Variants in KIAA1217 observed in about 807,000 individuals in gnomAD.
The protein encoded by KIAA1217 is sickle tail protein homolog.
KIAA1217 carries 88 observed loss-of-function variants against 163.9 expected under a neutral mutation model. That is an observed-to-expected ratio of 0.54 (90% CI 0.45 to 0.64). KIAA1217 has a LOEUF of 0.64. Ranked by LOEUF, KIAA1217 falls within the 30% of genes least tolerant of loss-of-function variation. The pLI is 0.00. For missense variants in KIAA1217, 2,372 were observed against 2,475.0 expected, an observed-to-expected ratio of 0.96 and a Z score of 0.88; for synonymous variants, 903 against 923.1, an observed-to-expected ratio of 0.98 and a Z score of 0.39.
At chr10:24,396,293 C>T (rs1427681315) in intron 3 of KIAA1217, among the ~76,000 whole-genome samples, 2 of 151,874 alleles carry the variant, frequency 1.3e-5, no homozygotes, top group Non-Finnish European at 2.9e-5. Context: ...GCAGAGATTG[C>T]GCCATTGCAC....
intron 1 of KIAA1217, among the ~76,000 whole-genome samples, chr10:23,719,789 A>G (rs1837767382): frequency 6.6e-6 from 1 of 151,006 alleles, no homozygotes; most frequent in Non-Finnish European, 1.5e-5. Context: ...GTAGTGGTGC[A>G]TGCCTGTAGT....
At chr10:23,952,582 A>T (rs537595351) in intron 1 of KIAA1217, among the ~76,000 whole-genome samples, 60 of 152,172 alleles carry the variant, frequency 3.9e-4, no homozygotes, top group Non-Finnish European at 7.1e-4. Flanking sequence ...CATTTTCTCC[A>T]TTTAGGGACA....
At chr10:24,129,799 TCA>T (rs963024810) in intron 2 of KIAA1217, among the ~76,000 whole-genome samples, 9 of 152,152 alleles carry the variant, frequency 5.9e-5, no homozygotes, top group African/African-American at 1.9e-4. Context: ...TCTCAGTTTT[TCA>T]CAGAGTTCTT....
intron 2 of KIAA1217, among the ~76,000 whole-genome samples, chr10:24,343,516 C>T (rs2047360577): frequency 6.6e-6 from 1 of 152,188 alleles, no homozygotes; most frequent in Admixed American, 6.5e-5. Flanking sequence ...TTAACTTTCA[C>T]ACTTTATGCA....
chr10:24,404,566 CAAAAAAA>C (rs57209065), intron 3 of KIAA1217, among the ~76,000 whole-genome samples: 5 of 51,182 alleles, frequency 9.8e-5, no homozygotes, highest in Admixed American at 2.9e-4. Flanking sequence ...GACTCTGTCT[CAAAAAAA>C]AAAAAAAAAA....
chr10:23,980,794 G>A (rs1240185466), intron 1 of KIAA1217, among the ~76,000 whole-genome samples: 3 of 152,124 alleles, frequency 2.0e-5, no homozygotes, highest in Non-Finnish European at 4.4e-5. Context: ...AGCTCAATCT[G>A]TTATCATCTT....
intron 1 of KIAA1217, among the ~76,000 whole-genome samples, chr10:23,721,710 A>G (rs1837881389): frequency 6.6e-6 from 1 of 152,188 alleles, no homozygotes; most frequent in Non-Finnish European, 1.5e-5. Flanking sequence ...CTCATTTAGG[A>G]ATCATATTTT....
chr10:23,698,195 A>G (rs964928067), intron 1 of KIAA1217, among the ~76,000 whole-genome samples: 1 of 152,204 alleles, frequency 6.6e-6, no homozygotes, highest in African/African-American at 2.4e-5. Flanking sequence ...AATTTAGTAT[A>G]CCAACACTGA....
chr10:24,281,964 G>A (rs2077987992), intron 2 of KIAA1217, among the ~76,000 whole-genome samples: 1 of 152,082 alleles, frequency 6.6e-6, no homozygotes, highest in Non-Finnish European at 1.5e-5. Flanking sequence ...GGCTGAGGCA[G>A]GAGAATGGTG....
intron 2 of KIAA1217, among the ~76,000 whole-genome samples, chr10:24,145,212 C>A (rs901169285): frequency 1.3e-5 from 2 of 152,214 alleles, no homozygotes; most frequent in Admixed American, 6.5e-5. Context: ...CCCGCGGTCA[C>A]ACAAACAGGT....
chr10:24,308,626 GA>G (rs1481962728), intron 2 of KIAA1217, among the ~76,000 whole-genome samples: 3 of 152,166 alleles, frequency 2.0e-5, no homozygotes, highest in African/African-American at 7.2e-5. Flanking sequence ...AATCCAGCCA[GA>G]AAAACCTGTG....
chr10:23,857,951 C>T (rs1436429356), intron 1 of KIAA1217, among the ~76,000 whole-genome samples: 1 of 149,282 alleles, frequency 6.7e-6, no homozygotes, highest in Non-Finnish European at 1.5e-5. Context: ...ATATTTCAAT[C>T]TGGTTAAAAA....
At chr10:23,779,469 A>C (rs1351577691) in intron 1 of KIAA1217, among the ~76,000 whole-genome samples, 1 of 152,190 alleles carries the variant, frequency 6.6e-6, no homozygotes, top group Non-Finnish European at 1.5e-5. Context: ...TATCACATAA[A>C]GCTCACTCAG....
intron 1 of KIAA1217, among the ~76,000 whole-genome samples, chr10:23,726,849 T>C (rs1838172324): frequency 6.6e-6 from 1 of 152,152 alleles, no homozygotes; most frequent in African/African-American, 2.4e-5. Flanking sequence ...GAAATGTAAT[T>C]CACATATGAA....
At chr10:24,385,811 T>C (rs1181081575) in intron 3 of KIAA1217, among the ~76,000 whole-genome samples, 1 of 152,170 alleles carries the variant, frequency 6.6e-6, no homozygotes, top group East Asian at 1.9e-4. Context: ...AAAACCGCCT[T>C]CCAATAGAAT....
At chr10:24,402,477 C>G (rs2056655398) in intron 3 of KIAA1217, among the ~76,000 whole-genome samples, 1 of 146,202 alleles carries the variant, frequency 6.8e-6, no homozygotes, top group Admixed American at 6.9e-5. Flanking sequence ...CCACTGCACT[C>G]CAGCCTGGGT....
chr10:23,869,979 T>G (rs1470703811), intron 1 of KIAA1217, among the ~76,000 whole-genome samples: 1 of 152,186 alleles, frequency 6.6e-6, no homozygotes, highest in African/African-American at 2.4e-5. Flanking sequence ...ACAAATTATG[T>G]TGAAGCAACG....
intron 1 of KIAA1217, among the ~76,000 whole-genome samples, chr10:23,936,973 G>T (rs972523957): frequency 6.6e-6 from 1 of 152,004 alleles, no homozygotes; most frequent in East Asian, 1.9e-4. Flanking sequence ...CCACCTCCCG[G>T]GTTCAAGTGA....
At position 24,531,958 on chromosome 10, in the gene KIAA1217, G is replaced by C. The variant is rs762932759; in HGVS notation, c.3211G>C (p.Val1071Leu). The C allele has an allele frequency of 1.3e-6, 2 of 1,593,566 alleles. No individual in the cohort carries two copies. Among genetic ancestry groups the C allele is most frequent in the East Asian group, 4.5e-5 (2 of 44,194 alleles). ...GLTTTRSGDV[V>L]YTGRKENITA... ...CACCACCACGAGGTCAGGCGATGTGGTCTACACCGGCAGAAAGGAGAACAT... is the reference window on the plus strand; with the variant it reads ...CACCACCACGAGGTCAGGCGATGTGCTCTACACCGGCAGAAAGGAGAACAT... The change falls in exon 15 of 21, where the codon GTC becomes CTC. Residue 1071 changes from valine (V) to leucine (L), a missense_variant. Coordinates refer to ENST00000376454, the MANE Select transcript of KIAA1217 (RefSeq NM_019590.5).
Sources: allele counts gnomAD v4.1 joint callset (sites outside exome capture counted in the v4.1 genomes callset), GRCh38; gene constraint gnomAD v4.1.1; transcripts MANE v1.5; gene names NCBI Gene and HGNC (gene_info 2026-07-23, HGNC 2026-07-21).